Variants in NR3C2 observed in about 807,000 individuals in gnomAD.
NR3C2 encodes the protein nuclear receptor subfamily 3 group C member 2.
In NR3C2, 15 loss-of-function variants were observed where a neutral mutation model predicts 86.4. That is an observed-to-expected ratio of 0.17 (90% CI 0.12 to 0.27). NR3C2 has a LOEUF of 0.27. Ranked by LOEUF, NR3C2 falls within the 10% of genes least tolerant of loss-of-function variation. NR3C2 has a pLI of 1.00. For missense variants in NR3C2, 960 were observed against 1,195.6 expected, an observed-to-expected ratio of 0.80 and a Z score of 2.91; for synonymous variants, 458 against 450.5, an observed-to-expected ratio of 1.02 and a Z score of -0.21.
At chr4:148,103,161 TC>T (rs1157255241) in intron 8 of NR3C2, among the ~76,000 whole-genome samples, 1 of 152,172 alleles carries the variant, frequency 6.6e-6, no homozygotes, top group Non-Finnish European at 1.5e-5. Context: ...AGCAGTCTTT[TC>T]CCTTGCCTCA....
intron 4 of NR3C2, among the ~76,000 whole-genome samples, chr4:148,164,062 G>C (rs144479018): frequency 3.9e-4 from 59 of 152,314 alleles, no homozygotes; most frequent in Middle Eastern, 3.4e-3. Flanking sequence ...CACCTCTGTT[G>C]ACAGAGATTA....
chr4:148,311,139 A>G (rs1325888278), intron 2 of NR3C2, among the ~76,000 whole-genome samples: 4 of 151,620 alleles, frequency 2.6e-5, no homozygotes, highest in Admixed American at 2.6e-4. Flanking sequence ...TCTTTTGCCA[A>G]CTCCTCCTTA....
chr4:148,315,369 T>C (rs956870965), intron 2 of NR3C2, among the ~76,000 whole-genome samples: 2 of 152,180 alleles, frequency 1.3e-5, no homozygotes, highest in Admixed American at 6.6e-5. Context: ...TGTCTCAGTA[T>C]TCCTAACTCC....
At chr4:148,359,263 G>A (rs764969881) in intron 2 of NR3C2, among the ~76,000 whole-genome samples, 4 of 151,868 alleles carry the variant, frequency 2.6e-5, no homozygotes, top group African/African-American at 4.8e-5. Context: ...CCCTCACCAT[G>A]GGTTTTTAAA....
intron 3 of NR3C2, among the ~76,000 whole-genome samples, chr4:148,243,151 T>G (rs1560997112): frequency 6.6e-6 from 1 of 151,978 alleles, no homozygotes; most frequent in Non-Finnish European, 1.5e-5. Flanking sequence ...CTGCCTCAGC[T>G]TCCTGAGTAG....
At chr4:148,242,383 A>G (rs1019722711) in intron 3 of NR3C2, among the ~76,000 whole-genome samples, 5 of 152,232 alleles carry the variant, frequency 3.3e-5, no homozygotes, top group Non-Finnish European at 1.5e-5. Context: ...TTCTTAAAAT[A>G]ATTTGACTCA....
chr4:148,307,340 G>T (rs992379755), intron 2 of NR3C2, among the ~76,000 whole-genome samples: 13 of 152,090 alleles, frequency 8.5e-5, no homozygotes, highest in Admixed American at 6.6e-4. Flanking sequence ...AAAATGAAAT[G>T]GTGAGCTAAG....
chr4:148,429,630 C>T (rs1029593507), intron 2 of NR3C2, among the ~76,000 whole-genome samples: 2 of 152,184 alleles, frequency 1.3e-5, no homozygotes, highest in Non-Finnish European at 2.9e-5. Flanking sequence ...CACCACCTTA[C>T]TATATAAGGA....
chr4:148,184,502 TA>T (rs1735797391), intron 4 of NR3C2, among the ~76,000 whole-genome samples: 1 of 151,966 alleles, frequency 6.6e-6, no homozygotes, highest in African/African-American at 2.4e-5. Context: ...ATTTTTATAG[TA>T]ACCAATAGTA....
intron 2 of NR3C2, among the ~76,000 whole-genome samples, chr4:148,293,454 T>C (rs1304973000): frequency 6.6e-6 from 1 of 152,194 alleles, no homozygotes; most frequent in Non-Finnish European, 1.5e-5. Context: ...TCTGCTATCT[T>C]ATAGATGGGG....
intron 3 of NR3C2, among the ~76,000 whole-genome samples, chr4:148,206,595 G>C (rs1737018165): frequency 6.6e-6 from 1 of 152,150 alleles, no homozygotes; most frequent in Non-Finnish European, 1.5e-5. Context: ...ATGAAAAAGT[G>C]ATATAAGGGG....
At chr4:148,178,867 C>T (rs1472254999) in intron 4 of NR3C2, among the ~76,000 whole-genome samples, 1 of 144,702 alleles carries the variant, frequency 6.9e-6, no homozygotes, top group Non-Finnish European at 1.5e-5. Context: ...CTGAAAACCA[C>T]GAGGATGCAA....
At chr4:148,188,718 G>A (rs1736054198) in intron 4 of NR3C2, among the ~76,000 whole-genome samples, 1 of 151,990 alleles carries the variant, frequency 6.6e-6, no homozygotes, top group African/African-American at 2.4e-5. Context: ...TTTGGATACT[G>A]TTTATTTCTT....
chr4:148,334,236 C>A (rs973847279), intron 2 of NR3C2, among the ~76,000 whole-genome samples: 2 of 152,152 alleles, frequency 1.3e-5, no homozygotes, highest in Non-Finnish European at 2.9e-5. Context: ...AAGCATCTTT[C>A]AAGGCTATAG....
chr4:148,257,325 G>A (rs1561003981), intron 3 of NR3C2, among the ~76,000 whole-genome samples: 1 of 152,130 alleles, frequency 6.6e-6, no homozygotes, highest in Non-Finnish European at 1.5e-5. Context: ...TGCCTTCTTA[G>A]TGCTTAGATC....
chr4:148,404,670 T>G (rs1748326300), intron 2 of NR3C2, among the ~76,000 whole-genome samples: 2 of 152,148 alleles, frequency 1.3e-5, no homozygotes, highest in South Asian at 4.1e-4. Flanking sequence ...ATGAATTTTT[T>G]GGAAGCAAAA....
At chr4:148,386,906 T>G (rs1412183586) in intron 2 of NR3C2, among the ~76,000 whole-genome samples, 1 of 152,184 alleles carries the variant, frequency 6.6e-6, no homozygotes, top group Non-Finnish European at 1.5e-5. Flanking sequence ...CTCCGCAGTC[T>G]CTGGCACACA....
Position 148,081,518 on chromosome 4 carries a change from G to A in NR3C2, c.2800-19C>T, listed in dbSNP as rs1395819023. ...TCACCAGCTGTAACACAGACACAGGGGGCATGACACGGGGGCCTCCTTTCC... is the reference window on the plus strand; with the variant it reads ...TCACCAGCTGTAACACAGACACAGGAGGCATGACACGGGGGCCTCCTTTCC... On this transcript the variant is annotated intron_variant, in intron 8 of 8. Coordinates refer to ENST00000358102, the MANE Select transcript of NR3C2 (RefSeq NM_000901.5). The A allele has an allele frequency of 1.2e-6, 2 of 1,613,888 alleles. No individual in the cohort carries two copies. Among genetic ancestry groups the A allele is most frequent in the Admixed American group, 1.7e-5 (1 of 60,010 alleles).
intron 4 of NR3C2, among the ~76,000 whole-genome samples, chr4:148,182,409 A>T (rs28633715): frequency 0.15 from 22,280 of 152,226 alleles, 1,811 homozygotes; most frequent in Non-Finnish European, 0.17. Context: ...TTAATTCATG[A>T]ACCAGAAGTG....
Sources: gnomAD v4.1 joint callset for allele counts (sites outside exome capture counted in the v4.1 genomes callset) on GRCh38, gnomAD v4.1.1 for gene constraint, MANE v1.5 for transcripts, NCBI Gene and HGNC (gene_info 2026-07-23, HGNC 2026-07-21) for gene names.